The following ARMC8 variants were observed in gnomAD, a reference collection of about 807,000 sequenced individuals.
The protein encoded by ARMC8 is armadillo repeat containing 8.
A neutral mutation model predicts 99.3 loss-of-function variants in ARMC8; 20 were observed. The ratio of observed to expected loss-of-function variants is 0.20; its 90% CI spans 0.14 to 0.29. The LOEUF (loss-of-function observed/expected upper bound fraction) is 0.29, where lower values mean the gene tolerates loss of function less well. ARMC8 is among the 10% of genes least tolerant of loss of function. ARMC8 has a pLI of 1.00. For synonymous variants in ARMC8, 263 were observed against 278.3 expected (o/e 0.95, Z 0.55); for missense variants, 569 against 809.5 (o/e 0.70, Z 3.60).
At chr3:138,251,087 G>T (rs1559990635) in intron 12 of ARMC8, among the ~76,000 whole-genome samples, 1 of 151,986 alleles carries the variant, frequency 6.6e-6, no homozygotes. Flanking sequence ...GAAGGTCGAG[G>T]CTGCAGTGAG....
intron 21 of ARMC8, among the ~76,000 whole-genome samples, chr3:138,293,712 C>T (rs966757047): frequency 5.9e-5 from 9 of 152,198 alleles, no homozygotes; most frequent in African/African-American, 9.7e-5. Context: ...TGGGCTCTGT[C>T]AGCCCATCTT....
chr3:138,265,761 G>C lies in ARMC8; in HGVS notation c.1300-1394G>C, dbSNP rs2048219597. On this transcript the variant is annotated intron_variant, in intron 14 of 21. Transcript: ENST00000469044. ...TATAATGAGACATACCAGTGGACAG[G>C]TAAGGACGAAGTGGAAGAGTTAGAC... 2.0e-5 allele frequency among the ~76,000 whole-genome samples: 3 copies of C among 152,328 alleles called. No homozygotes were observed. The South Asian group carries it at 6.2e-4, about 32-fold the overall frequency.
In ARMC8 at chr3:138,270,726, A is replaced by G. The variant is rs573352532; in HGVS notation, c.1479+594A>G. Among the ~76,000 whole-genome samples, 26 of 152,312 alleles carry G rather than the reference A, an allele frequency of 1.7e-4. No homozygotes were observed. In the South Asian group the frequency reaches 5.2e-3, roughly 30 times the overall value. The stretch of plus-strand genomic sequence containing the variant: ...TGATTAACTTGTCGAAGGTAATAAA[A>G]TTGGTGCATAAATACTTAATAATTT... On this transcript the variant is annotated intron_variant, in intron 16 of 21. Coordinates refer to ENST00000469044, the MANE Select transcript of ARMC8 (RefSeq NM_001363941.2).
At chr3:138,284,583 A>T in intron 19 of ARMC8, 57 bp downstream of exon 19, 1 of 1,265,926 alleles carries the variant, frequency 7.9e-7, no homozygotes, top group Non-Finnish European at 1.2e-6. Flanking sequence ...TTGCATTTTT[A>T]ACTCAAAATA....
chr3:138,204,500 C>T (rs527851711), intron 1 of ARMC8, among the ~76,000 whole-genome samples: 3 of 152,314 alleles, frequency 2.0e-5, no homozygotes, highest in African/African-American at 7.2e-5. Context: ...CTCCCCTTTA[C>T]AGTGAAAAGC....
At chr3:138,245,716 C>G in intron 12 of ARMC8, 1 of 991,814 alleles carries the variant, frequency 1.0e-6, no homozygotes, top group Non-Finnish European at 1.2e-6. Flanking sequence ...TCTGAATTTT[C>G]CAGCTCCCCA....
At chr3:138,210,901 G>T (rs1353197705) in intron 2 of ARMC8, among the ~76,000 whole-genome samples, 3 of 151,926 alleles carry the variant, frequency 2.0e-5, no homozygotes, top group African/African-American at 7.3e-5. Flanking sequence ...TTCAAATTGA[G>T]CTGGAAGGGA....
rs1034386141 is a variant in ARMC8, at chr3:138,296,970, C to A, written c.*1078C>A. ...CCCAGAAACAGAATACCTTGTGCTT[C>A]CTGAAACAGCATATATCACTGTGAA... On this transcript the variant is annotated 3_prime_UTR_variant, in exon 22 of 22. Coordinates refer to ENST00000469044, the MANE Select transcript of ARMC8 (RefSeq NM_001363941.2). 33 of 152,152 alleles carry A rather than the reference C, an allele frequency of 2.2e-4. No homozygotes were observed. Among genetic ancestry groups the A allele is most frequent in the African/African-American group, 7.7e-4 (32 of 41,428 alleles). The allele number at this position is 152,152 out of a possible 1,614,324, so 9.4% of individuals were successfully genotyped here. A position where few individuals can be genotyped will look rare whatever the true frequency, so the allele number is the denominator to read the frequency against.
chr3:138,193,133 T>A (rs2107950425), intron 1 of ARMC8, among the ~76,000 whole-genome samples: 1 of 151,944 alleles, frequency 6.6e-6, no homozygotes, highest in East Asian at 1.9e-4. Context: ...CATGCCTGGC[T>A]AATTTTTGTA....
At chr3:138,272,893 C>T in intron 16 of ARMC8, 74 bp from the exon 17 acceptor site, 1 of 1,251,588 alleles carries the variant, frequency 8.0e-7, no homozygotes, top group African/African-American at 1.5e-5. Context: ...AAAAAATTAC[C>T]AGAGTTACTA....
At chr3:138,244,645 C>T (rs2108189692) in intron 11 of ARMC8, among the ~76,000 whole-genome samples, 1 of 152,300 alleles carries the variant, frequency 6.6e-6, no homozygotes, top group South Asian at 2.1e-4. Flanking sequence ...ATTAAGGGAA[C>T]CCTCCTAAAG....
At chr3:138,226,001 A>C (rs1250941812) in intron 5 of ARMC8, among the ~76,000 whole-genome samples, 1 of 151,982 alleles carries the variant, frequency 6.6e-6, no homozygotes. Context: ...ATTTTCTTTT[A>C]TTTATTTTTA....
chr3:138,241,774 A>C lies in ARMC8; in HGVS notation c.838-9A>C, dbSNP rs1219566911. On this transcript the variant is annotated splice_polypyrimidine_tract_variant and intron_variant, in intron 10 of 21. Transcript: ENST00000469044. ...CAAAAAGCAAATAATTAATCTCACT[A>C]CCTTTCAGACATTACCTTGTTTGGT... 2 of 1,613,422 alleles carry C rather than the reference A, an allele frequency of 1.2e-6. No homozygotes were observed. Among genetic ancestry groups the C allele is most frequent in the South Asian group, 2.2e-5 (2 of 91,020 alleles).
intron 1 of ARMC8, among the ~76,000 whole-genome samples, chr3:138,207,468 CTTATG>C (rs2044434988): frequency 6.6e-6 from 1 of 152,120 alleles, no homozygotes; most frequent in East Asian, 1.9e-4. Flanking sequence ...ATGGGGGAAA[CTTATG>C]TTAAGATACA....
intron 18 of ARMC8, among the ~76,000 whole-genome samples, chr3:138,280,100 C>T (rs1294649514): frequency 6.6e-6 from 1 of 151,970 alleles, no homozygotes; most frequent in Non-Finnish European, 1.5e-5. Flanking sequence ...TATGGGGTTT[C>T]ACCATGTTGG....
At chr3:138,197,782 A>G (rs1350659468) in intron 1 of ARMC8, among the ~76,000 whole-genome samples, 1 of 152,172 alleles carries the variant, frequency 6.6e-6, no homozygotes, top group East Asian at 1.9e-4. Flanking sequence ...GGTATCTTTT[A>G]TTGACCCTCC....
chr3:138,188,469 G>T (rs1394526524), intron 1 of ARMC8: 2 of 1,612,674 alleles, frequency 1.2e-6, no homozygotes, highest in African/African-American at 2.7e-5. Context: ...AGGAATGAAA[G>T]TTACTGGGAG....
intron 12 of ARMC8, among the ~76,000 whole-genome samples, chr3:138,253,451 G>GT (rs903096236): frequency 2.5e-4 from 38 of 152,226 alleles, no homozygotes; most frequent in African/African-American, 8.9e-4. Context: ...CAAAGCCTAT[G>GT]TTTTTAACTA....
intron 18 of ARMC8, among the ~76,000 whole-genome samples, chr3:138,283,404 C>T (rs1477372516): frequency 6.6e-6 from 1 of 152,224 alleles, no homozygotes; most frequent in Non-Finnish European, 1.5e-5. Flanking sequence ...TGTGTCACTT[C>T]CTCCGGGAAG....
Sources: allele counts gnomAD v4.1 joint callset (sites outside exome capture counted in the v4.1 genomes callset), GRCh38; gene constraint gnomAD v4.1.1; transcripts MANE v1.5; gene names NCBI Gene and HGNC (gene_info 2026-07-23, HGNC 2026-07-21).